The following AMZ2 variants were observed in gnomAD, a reference collection of about 807,000 sequenced individuals.
AMZ2 encodes archaemetzincin-2.
A neutral mutation model predicts 36.7 loss-of-function variants in AMZ2; 26 were observed. That is an observed-to-expected ratio of 0.71 (90% confidence interval 0.52 to 0.98). AMZ2 has a LOEUF of 0.98. Among genes scored for constraint, AMZ2 ranks in the 50% least tolerant of loss-of-function variants. AMZ2 has a pLI of 0.00. For missense variants in AMZ2, 394 were observed against 430.5 expected (o/e 0.92, Z 0.75); for synonymous variants, 144 against 149.1 (o/e 0.97, Z 0.25).
chr17:68,229,757 G>C (rs1555730754), intron 1 of AMZ2, among the ~76,000 whole-genome samples: 1 of 152,222 alleles, frequency 6.6e-6, no homozygotes, highest in Non-Finnish European at 1.5e-5. Context: ...GCACACCCAG[G>C]AATGAGTTGG....
At chr17:68,211,827 T>C (rs1233252785) in intron 1 of AMZ2, among the ~76,000 whole-genome samples, 1 of 147,672 alleles carries the variant, frequency 6.8e-6, no homozygotes, top group East Asian at 2.0e-4. Context: ...TGTGTATGTA[T>C]ATGTATATAT....
chr17:68,226,817 C>G (rs2073527334), intron 1 of AMZ2, among the ~76,000 whole-genome samples: 1 of 151,732 alleles, frequency 6.6e-6, no homozygotes, highest in African/African-American at 2.4e-5. Flanking sequence ...ACTCTGTGTG[C>G]TGGGTGGGGA....
Position 68,255,629 on chromosome 17 carries a change from C to G in AMZ2, c.751-71C>G. 3.4e-6 allele frequency: 5 copies of G among 1,490,836 alleles called. 1 individual carries two copies. The South Asian group carries it at 6.2e-5, about 19-fold the overall frequency. The allele number at this position is 1,490,836 out of a possible 1,614,324, so 92.4% of individuals were successfully genotyped here. A position where few individuals can be genotyped will look rare whatever the true frequency, so the allele number is the denominator to read the frequency against. ...TTGATTCCTATGTTTCTTGGAAAAG[C>G]AAGAAAAAGAAGAGACGTGTAGCCT... On this transcript the variant is annotated intron_variant, in intron 5 of 6. Coordinates refer to ENST00000359904, the MANE Select transcript of AMZ2 (RefSeq NM_016627.5).
intron 5 of AMZ2, among the ~76,000 whole-genome samples, chr17:68,255,374 G>A (rs1194323782): frequency 6.6e-6 from 1 of 152,142 alleles, no homozygotes; most frequent in African/African-American, 2.4e-5. Context: ...TTCACAATCA[G>A]GGAGGGAGTT....
chr17:68,212,560 AT>A (rs1271460980), intron 1 of AMZ2, among the ~76,000 whole-genome samples: 6 of 151,830 alleles, frequency 4.0e-5, no homozygotes, highest in Admixed American at 6.6e-5. Context: ...TAATTAAATA[AT>A]TTTTTTTCTT....
rs536531610 is a variant in AMZ2, at chr17:68,207,967, G to A, written c.-67+1729G>A. Among the ~76,000 whole-genome samples, 16 of 152,230 alleles carry A rather than the reference G, an allele frequency of 1.1e-4. No homozygotes were observed. In the South Asian group the frequency reaches 2.7e-3, roughly 26 times the overall value. On this transcript the variant is annotated intron_variant, in intron 1 of 7. Coordinates refer to the AMZ2 transcript ENST00000674770. ...GCACTTGGAGCAGCCGGCAGGCCCC[G>A]CCGGCCATGGGCAGTGAGAGGCTTA...
At chr17:68,208,244 G>T (rs1398376128) in intron 1 of AMZ2, among the ~76,000 whole-genome samples, 2 of 152,222 alleles carry the variant, frequency 1.3e-5, no homozygotes, top group Non-Finnish European at 2.9e-5. Flanking sequence ...CGGCCCCAGT[G>T]CGGGATCCAC....
At chr17:68,221,642 C>T (rs1306403120) in intron 1 of AMZ2, among the ~76,000 whole-genome samples, 1 of 151,868 alleles carries the variant, frequency 6.6e-6, no homozygotes, top group Admixed American at 6.6e-5. Context: ...TGAACAGAAT[C>T]GCTTGAACCT....
At position 68,215,638 on chromosome 17, in the gene AMZ2, T is replaced by C. The variant is rs576417190; in HGVS notation, c.-67+9400T>C. Among the ~76,000 whole-genome samples the C allele has an allele frequency of 5.2e-4, 72 of 138,016 alleles. 9 individuals carry two copies. The highest frequency in any genetic ancestry group is 1.0e-3 in the Non-Finnish European group (62 of 61,456). The allele number at this position is 138,016 out of a possible 152,430, so 90.5% of individuals were successfully genotyped here. ...TGCCTGTCAGGGAGCCCGGTGCTTG[T>C]ACTCTGTATAGACATTCAGCAGTTA... On this transcript the variant is annotated intron_variant, in intron 1 of 7. Coordinates refer to the AMZ2 transcript ENST00000674770.
At chr17:68,253,675 C>G (rs1203591937) in intron 4 of AMZ2, among the ~76,000 whole-genome samples, 1 of 152,080 alleles carries the variant, frequency 6.6e-6, no homozygotes, top group African/African-American at 2.4e-5. Context: ...GAGGGAAGGC[C>G]AGCAACCCCT....
At chr17:68,251,899 AT>A (rs1463412086) in intron 4 of AMZ2, among the ~76,000 whole-genome samples, 1 of 152,216 alleles carries the variant, frequency 6.6e-6, no homozygotes, top group Non-Finnish European at 1.5e-5. Context: ...TTGTTTTTTA[AT>A]TTAAAGAGTC....
chr17:68,214,583 G>T (rs1366414276), intron 1 of AMZ2, among the ~76,000 whole-genome samples: 1 of 152,112 alleles, frequency 6.6e-6, no homozygotes, highest in Non-Finnish European at 1.5e-5. Flanking sequence ...TTAGGAATCT[G>T]CTCCAGCCAG....
chr17:68,225,623 A>T (rs1568352299), intron 1 of AMZ2, among the ~76,000 whole-genome samples: 1 of 151,990 alleles, frequency 6.6e-6, no homozygotes, highest in Non-Finnish European at 1.5e-5. Flanking sequence ...GAATTTTAAT[A>T]TTCTTTTCTT....
intron 1 of AMZ2, among the ~76,000 whole-genome samples, chr17:68,208,246 G>A (rs573093884): frequency 3.3e-5 from 5 of 152,192 alleles, no homozygotes; most frequent in Non-Finnish European, 7.3e-5. Flanking sequence ...GCCCCAGTGC[G>A]GGATCCACTG....
intron 1 of AMZ2, among the ~76,000 whole-genome samples, chr17:68,241,521 A>G (rs116377779): frequency 0.01 from 1,524 of 152,244 alleles, 23 homozygotes; most frequent in African/African-American, 0.035. Flanking sequence ...AAAGATCAAG[A>G]AATCTCATTA....
chr17:68,212,718 AC>A (rs2073099268), intron 1 of AMZ2, among the ~76,000 whole-genome samples: 1 of 151,908 alleles, frequency 6.6e-6, no homozygotes, highest in Non-Finnish European at 1.5e-5. Flanking sequence ...ACAGGTGCAC[AC>A]CACCACACCT....
chr17:68,207,895 C>T (rs1348710657), intron 1 of AMZ2, among the ~76,000 whole-genome samples: 2 of 151,688 alleles, frequency 1.3e-5, no homozygotes, highest in Non-Finnish European at 2.9e-5. Flanking sequence ...GCGAGCGGTG[C>T]TTGCGGGCCA....
chr17:68,239,615 G>A (rs2144638567), intron 1 of AMZ2, among the ~76,000 whole-genome samples: 2 of 152,272 alleles, frequency 1.3e-5, no homozygotes, highest in Non-Finnish European at 2.9e-5. Flanking sequence ...GGACTCTTAG[G>A]CTCTTCACTG....
intron 1 of AMZ2, among the ~76,000 whole-genome samples, chr17:68,236,355 A>G (rs2073787314): frequency 2.0e-5 from 3 of 152,024 alleles, no homozygotes; most frequent in Non-Finnish European, 4.4e-5. Context: ...TACTATGTAT[A>G]TGTTTGGTAA....
Sources: gnomAD v4.1 joint callset for allele counts (sites outside exome capture counted in the v4.1 genomes callset) on GRCh38, gnomAD v4.1.1 for gene constraint, MANE v1.5 for transcripts, NCBI Gene and HGNC (gene_info 2026-07-23, HGNC 2026-07-21) for gene names.